UGT1A7: variants seen among roughly 807,000 people sequenced by gnomAD.
UGT1A7 encodes the protein UDP glucuronosyltransferase family 1 member A7, also known as UDP-glucuronosyltransferase 1A7.
UGT1A7 carries 33 observed loss-of-function variants against 45.6 expected under a neutral mutation model. The ratio of observed to expected loss-of-function variants is 0.72; its 90% CI spans 0.55 to 0.97. The LOEUF (loss-of-function observed/expected upper bound fraction) is 0.97, where lower values mean the gene tolerates loss of function less well. Among genes scored for constraint, UGT1A7 ranks in the 50% least tolerant of loss-of-function variants. UGT1A7 has a pLI of 0.00. For missense variants in UGT1A7, 684 were observed against 666.2 expected (o/e 1.03, Z -0.29); for synonymous variants, 274 against 250.6 (o/e 1.09, Z -0.88).
Position 233,682,922 on chromosome 2 carries a change from T to C in UGT1A7, c.855+130T>C, listed in dbSNP as rs2074607007. Reference sequence around the variant, plus strand: ...TTCTTTCTGGTTTAAGGAATTCTTTTGTACCAATTCACTTAATTGTTGGGT... The same window carrying C: ...TTCTTTCTGGTTTAAGGAATTCTTTCGTACCAATTCACTTAATTGTTGGGT... On this transcript the variant is annotated intron_variant, in intron 1 of 4. Transcript: ENST00000373426. 2.0e-6 allele frequency: 3 copies of C among 1,477,034 alleles called. No homozygotes were observed. The African/African-American group carries it at 4.2e-5, about 21-fold the overall frequency. 91.5% of individuals were successfully genotyped at this position (1,477,034 alleles called of 1,614,324 possible).
At chr2:233,719,243 G>T in intron 1 of UGT1A7, 1 of 1,614,206 alleles carries the variant, frequency 6.2e-7, no homozygotes, top group South Asian at 1.1e-5. Context: ...TCAGGCACCT[G>T]AATGCTACTT....
At chr2:233,720,871 A>ACT (rs2076900634) in intron 1 of UGT1A7, among the ~76,000 whole-genome samples, 1 of 132,772 alleles carries the variant, frequency 7.5e-6, no homozygotes, top group Non-Finnish European at 1.6e-5. Context: ...GCTCCTGGCA[A>ACT]TTTTTTTTTT....
At chr2:233,754,954 C>A (rs761740156) in intron 1 of UGT1A7, 10 of 1,315,520 alleles carry the variant, frequency 7.6e-6, no homozygotes, top group Non-Finnish European at 9.2e-6. Flanking sequence ...GGGTCCCGGC[C>A]GCCAAAGAAC....
At chr2:233,746,870 G>A (rs544593514) in intron 1 of UGT1A7, among the ~76,000 whole-genome samples, 2 of 151,670 alleles carry the variant, frequency 1.3e-5, no homozygotes, top group African/African-American at 4.9e-5. Flanking sequence ...CCTGATAAAC[G>A]TGGTTAACAG....
At chr2:233,721,036 A>G (rs1265033546) in intron 1 of UGT1A7, among the ~76,000 whole-genome samples, 1 of 152,110 alleles carries the variant, frequency 6.6e-6, no homozygotes, top group African/African-American at 2.4e-5. Context: ...TTGTGAGAGA[A>G]TTGAGCCCTT....
chr2:233,769,634 G>A lies in UGT1A7; in HGVS notation c.1295+1195G>A. 2 of 1,610,964 alleles carry A rather than the reference G, an allele frequency of 1.2e-6. No individual in the cohort carries two copies. The highest frequency in any genetic ancestry group is 1.1e-5 in the South Asian group (1 of 90,734). On this transcript the variant is annotated intron_variant, in intron 4 of 4. Transcript: ENST00000373426. The surrounding 1 kb of genome is among the most constrained non-coding windows in gnomAD (Gnocchi z 4.4). ...CCAGCTTGAGCAAGGGACAACAGGG[G>A]AGGACTGATGACTGACTTCCCACCT...
chr2:233,739,588 C>T (rs1487878859), intron 1 of UGT1A7, among the ~76,000 whole-genome samples: 1 of 152,180 alleles, frequency 6.6e-6, no homozygotes, highest in Non-Finnish European at 1.5e-5. Context: ...TTGCATGGGG[C>T]CTATAGCCCC....
At chr2:233,761,270 CTT>C in intron 1 of UGT1A7, 1 of 1,591,968 alleles carries the variant, frequency 6.3e-7, no homozygotes, top group Non-Finnish European at 8.6e-7. Context: ...AAAATGCCCT[CTT>C]TTGTTAATTT....
chr2:233,686,016 A>G lies in UGT1A7; in HGVS notation c.855+3224A>G, dbSNP rs565898309. On this transcript the variant is annotated intron_variant, in intron 1 of 4. Coordinates refer to ENST00000373426, the MANE Select transcript of UGT1A7 (RefSeq NM_019077.3). ...CTGTACATCCTTTGCCTTGATTTTCATCATGGTGCCAAGAGCATTGAAATG... is the reference window on the plus strand; with the variant it reads ...CTGTACATCCTTTGCCTTGATTTTCGTCATGGTGCCAAGAGCATTGAAATG... Among the ~76,000 whole-genome samples the G allele has an allele frequency of 7.0e-4, 107 of 152,332 alleles. 1 individual carries two copies. Among genetic ancestry groups the G allele is most frequent in the African/African-American group, 2.3e-3 (96 of 41,584 alleles).
rs1333719360 is a variant in UGT1A7, at chr2:233,772,369, C to T, written c.1403C>T (p.Ala468Val). 23 of 1,614,110 alleles carry T rather than the reference C, an allele frequency of 1.4e-5. No homozygotes were observed. Among genetic ancestry groups the T allele is most frequent in the African/African-American group, 8.0e-5 (6 of 74,934 alleles). ...GAGTTTGTGATGAGGCACAAGGGCG[C>T]GCCACACCTGCGCCCCGCAGCCCAC... Reference protein sequence around the residue: ...WVEFVMRHKGAPHLRPAAHDL... With the variant: ...WVEFVMRHKGVPHLRPAAHDL... Residue 468 changes from alanine to valine, a missense_variant, in exon 5 of 5, where the codon GCG (alanine) becomes GTG (valine). By Grantham distance (64) the Ala-to-Val change is moderately conservative. Transcript: ENST00000373426.
chr2:233,683,245 GT>G (rs555678771), intron 1 of UGT1A7, among the ~76,000 whole-genome samples: 1 of 151,912 alleles, frequency 6.6e-6, no homozygotes, highest in Non-Finnish European at 1.5e-5. Context: ...TGCTGGCTAT[GT>G]TTTTTTATGT....
At chr2:233,731,557 A>C (rs2078177814) in intron 1 of UGT1A7, among the ~76,000 whole-genome samples, 1 of 152,126 alleles carries the variant, frequency 6.6e-6, no homozygotes, top group Non-Finnish European at 1.5e-5. Context: ...TCCATGTGAT[A>C]GTTTGCTGAG....
intron 1 of UGT1A7, among the ~76,000 whole-genome samples, chr2:233,704,256 C>CTTTTTTTTTT (rs59925871): frequency 6.5e-5 from 8 of 123,648 alleles, no homozygotes; most frequent in East Asian, 2.2e-4. Flanking sequence ...GCCTTTATTG[C>CTTTTTTTTTT]TTTTTTTTTT....
At chr2:233,752,950 A>G (rs1198772139) in intron 1 of UGT1A7, among the ~76,000 whole-genome samples, 1 of 152,220 alleles carries the variant, frequency 6.6e-6, no homozygotes, top group Non-Finnish European at 1.5e-5. Context: ...ACCACTGAAC[A>G]ATGGGATTTA....
chr2:233,724,135 A>G (rs1575550109), intron 1 of UGT1A7, among the ~76,000 whole-genome samples: 4 of 118,266 alleles, frequency 3.4e-5, no homozygotes, highest in Non-Finnish European at 5.1e-5. Context: ...CACCTCCCGG[A>G]CGGGGCGGCT....
chr2:233,768,575 AT>A (rs1699646969), intron 4 of UGT1A7, 136 bp downstream of exon 4: 6 of 1,110,618 alleles, frequency 5.4e-6, no homozygotes, highest in Non-Finnish European at 7.1e-6. Flanking sequence ...CTGGATTTTT[AT>A]TTCTTCTTTT....
At chr2:233,686,987 G>T (rs1322875815) in intron 1 of UGT1A7, among the ~76,000 whole-genome samples, 1 of 152,182 alleles carries the variant, frequency 6.6e-6, no homozygotes, top group Non-Finnish European at 1.5e-5. Context: ...TGTACCCCAA[G>T]TCTTGGTTTC....
intron 1 of UGT1A7, among the ~76,000 whole-genome samples, chr2:233,683,567 A>G (rs1042590528): frequency 3.3e-5 from 5 of 152,178 alleles, no homozygotes; most frequent in Non-Finnish European, 7.4e-5. Context: ...TTTTGCTATT[A>G]CATCTTCCTA....
chr2:233,743,431 C>A lies in UGT1A7; in HGVS notation c.856-23603C>A, dbSNP rs755334550. 6 of 1,354,320 alleles carry A rather than the reference C, an allele frequency of 4.4e-6. No homozygotes were observed. In the East Asian group the frequency reaches 1.9e-4, roughly 42 times the overall value. The allele number at this position is 1,354,320 out of a possible 1,614,324, so 83.9% of individuals were successfully genotyped here. A position where few individuals can be genotyped will look rare whatever the true frequency, so the allele number is the denominator to read the frequency against. ...CCCACTTCCCAGGGAGCCAAAGGAA[C>A]GAAATCCTGTATCAAAAGAAGAAAA... On this transcript the variant is annotated intron_variant, in intron 1 of 4. Transcript: ENST00000373426.
Sources: gnomAD v4.1 joint callset for allele counts (sites outside exome capture counted in the v4.1 genomes callset) on GRCh38, gnomAD v4.1.1 for gene constraint, Gnocchi (gnomAD v3.1) non-coding constraint, MANE v1.5 for transcripts, NCBI Gene and HGNC (gene_info 2026-07-23, HGNC 2026-07-21) for gene names.